TAS2R1: variants seen among roughly 807,000 people sequenced by gnomAD.
TAS2R1 encodes taste receptor type 2 member 1.
For synonymous variants in TAS2R1, 141 were observed against 134.2 expected (o/e 1.05, Z -0.35); for missense variants, 370 against 353.4 (o/e 1.05, Z -0.38).
chr5:9,724,344 CT>C, the TAS2R1 span, among the ~76,000 whole-genome samples: 17,918 of 124,572 alleles, frequency 0.14, 1,120 homozygotes, highest in Middle Eastern at 0.19. Context: ...ATGTTTCTTT[CT>C]TTTTTTTTTT....
chr5:9,791,900 C>T, the TAS2R1 span, among the ~76,000 whole-genome samples: 1 of 152,144 alleles, frequency 6.6e-6, no homozygotes, highest in East Asian at 1.9e-4. Context: ...TCTGAGCTCT[C>T]CTGTGAGCAG....
intron 2 of TAS2R1, among the ~76,000 whole-genome samples, chr5:9,659,070 A>C (rs1216227827): frequency 6.6e-6 from 1 of 152,174 alleles, no homozygotes; most frequent in Non-Finnish European, 1.5e-5. Flanking sequence ...ATCCAGGTTT[A>C]ATAAATCTGT....
At chr5:9,790,637 T>G in the TAS2R1 span, among the ~76,000 whole-genome samples, 1 of 152,188 alleles carries the variant, frequency 6.6e-6, no homozygotes, top group Non-Finnish European at 1.5e-5. Flanking sequence ...TAAGAATTTT[T>G]TTTTCTTTTT....
the TAS2R1 span, among the ~76,000 whole-genome samples, chr5:9,848,612 A>T: frequency 6.6e-6 from 1 of 152,212 alleles, no homozygotes; most frequent in Non-Finnish European, 1.5e-5. Context: ...CACAAAAAAA[A>T]TAATGTGGAA....
chr5:9,735,750 G>T, the TAS2R1 span, among the ~76,000 whole-genome samples: 1 of 152,188 alleles, frequency 6.6e-6, no homozygotes, highest in Non-Finnish European at 1.5e-5. Context: ...TAGTGTTCAT[G>T]TTTATTTAGG....
the TAS2R1 span, among the ~76,000 whole-genome samples, chr5:9,798,743 G>A: frequency 1.3e-5 from 2 of 152,268 alleles, no homozygotes; most frequent in East Asian, 1.9e-4. Context: ...CTTGAAGTCC[G>A]CTTTGGTTTA....
At chr5:9,691,899 T>C (rs146412078) in intron 1 of TAS2R1, among the ~76,000 whole-genome samples, 2 of 152,298 alleles carry the variant, frequency 1.3e-5, no homozygotes, top group African/African-American at 4.8e-5. Context: ...GATCAGATCA[T>C]AATTTCCAGA....
the TAS2R1 span, among the ~76,000 whole-genome samples, chr5:9,748,112 A>G: frequency 6.6e-6 from 1 of 152,186 alleles, no homozygotes; most frequent in African/African-American, 2.4e-5. Flanking sequence ...GTTAAGTAGG[A>G]CATGAAGTTT....
the TAS2R1 span, among the ~76,000 whole-genome samples, chr5:9,739,598 CG>C: frequency 2.0e-5 from 3 of 152,174 alleles, no homozygotes; most frequent in Admixed American, 6.5e-5. Flanking sequence ...TTGCTTAATC[CG>C]TAAGAGGCAG....
chr5:9,840,682 T>C, the TAS2R1 span, among the ~76,000 whole-genome samples: 1 of 151,996 alleles, frequency 6.6e-6, no homozygotes, highest in East Asian at 1.9e-4. Context: ...TCTTCATTTC[T>C]TACTGTATTT....
chr5:9,804,902 C>A, the TAS2R1 span, among the ~76,000 whole-genome samples: 1 of 151,604 alleles, frequency 6.6e-6, no homozygotes, highest in East Asian at 1.9e-4. Flanking sequence ...TCGAGCAGAA[C>A]TAAATGAAAT....
chr5:9,776,700 T>G, the TAS2R1 span, among the ~76,000 whole-genome samples: 2 of 152,174 alleles, frequency 1.3e-5, no homozygotes, highest in African/African-American at 4.8e-5. Context: ...GCTTCCTGCT[T>G]GACGTGGAAA....
chr5:9,716,357 C>T (rs955308473), upstream of TAS2R1, among the ~76,000 whole-genome samples: 2 of 152,054 alleles, frequency 1.3e-5, no homozygotes, highest in African/African-American at 4.8e-5. Flanking sequence ...CCCTTTTCAC[C>T]CAATAAACCC....
At chr5:9,645,367 A>G (rs2126484105) in intron 2 of TAS2R1, among the ~76,000 whole-genome samples, 1 of 152,316 alleles carries the variant, frequency 6.6e-6, no homozygotes, top group Non-Finnish European at 1.5e-5. Flanking sequence ...TTCAAATGCT[A>G]TGCGTGCATT....
At chr5:9,899,695 G>A in the TAS2R1 span, among the ~76,000 whole-genome samples, 1 of 150,450 alleles carries the variant, frequency 6.6e-6, no homozygotes, top group Non-Finnish European at 1.5e-5. Context: ...CTCACAAGAA[G>A]ACAAAAACTA....
chr5:9,736,175 C>G, the TAS2R1 span, among the ~76,000 whole-genome samples: 1 of 152,222 alleles, frequency 6.6e-6, no homozygotes, highest in Non-Finnish European at 1.5e-5. Context: ...AAACCCAAAC[C>G]CCTGCCTAGC....
the TAS2R1 span, among the ~76,000 whole-genome samples, chr5:9,762,502 G>A: frequency 6.6e-6 from 1 of 152,174 alleles, no homozygotes; most frequent in South Asian, 2.1e-4. Context: ...CAACAAAGAT[G>A]CCACGTGGGT....
At chr5:9,641,930 A>C (rs1295619788) in intron 2 of TAS2R1, 1 of 152,172 alleles carries the variant, frequency 6.6e-6, no homozygotes, top group Non-Finnish European at 1.5e-5. Flanking sequence ...CTTGGAACAG[A>C]TGGGACAAGA....
At chr5:9,665,494 A>C (rs553015775) in intron 1 of TAS2R1, among the ~76,000 whole-genome samples, 6 of 152,372 alleles carry the variant, frequency 3.9e-5, no homozygotes, top group African/African-American at 1.4e-4. Flanking sequence ...ACAATCAGTA[A>C]GGGACAGACC....
Sources: allele counts gnomAD v4.1 joint callset (sites outside exome capture counted in the v4.1 genomes callset), GRCh38; gene constraint gnomAD v4.1.1; transcripts MANE v1.5; gene names NCBI Gene and HGNC (gene_info 2026-07-23, HGNC 2026-07-21).